UBAC2: variants seen among roughly 807,000 people sequenced by gnomAD.
UBAC2 encodes the protein UBA domain containing 2.
In UBAC2, 26 loss-of-function variants were observed where a neutral mutation model predicts 44.0. That is an observed-to-expected ratio of 0.59 (90% CI 0.43 to 0.82). UBAC2 has a LOEUF of 0.82. Ranked by LOEUF, UBAC2 falls within the 40% of genes least tolerant of loss-of-function variation. UBAC2 has a pLI of 0.00. For synonymous variants in UBAC2, 155 were observed against 154.3 expected, an observed-to-expected ratio of 1.00 and a Z score of -0.04; for missense variants, 329 against 419.4, an observed-to-expected ratio of 0.78 and a Z score of 1.88.
chr13:99,296,842 T>G (rs2044182403), intron 4 of UBAC2, among the ~76,000 whole-genome samples: 1 of 152,152 alleles, frequency 6.6e-6, no homozygotes, highest in African/African-American at 2.4e-5. Flanking sequence ...GAAAAAGACT[T>G]AAGCTACTTC....
At chr13:99,346,511 G>C (rs1419301591) in intron 7 of UBAC2, among the ~76,000 whole-genome samples, 5 of 152,218 alleles carry the variant, frequency 3.3e-5, no homozygotes, top group Non-Finnish European at 7.3e-5. Flanking sequence ...GCCTCACCGG[G>C]TTACTCACAG....
At chr13:99,280,333 C>G (rs956389139) in intron 4 of UBAC2, among the ~76,000 whole-genome samples, 1 of 152,218 alleles carries the variant, frequency 6.6e-6, no homozygotes, top group African/African-American at 2.4e-5. Flanking sequence ...CTGCCTGTCA[C>G]GCATACATCA....
intron 5 of UBAC2, chr13:99,314,631 C>T (rs1265681061): frequency 6.5e-6 from 1 of 154,492 alleles, no homozygotes; most frequent in Non-Finnish European, 1.4e-5. Context: ...GAAGAAGAAA[C>T]CCGGTGTGCT....
chr13:99,326,870 A>G (rs879903044), intron 6 of UBAC2, among the ~76,000 whole-genome samples: 4 of 152,138 alleles, frequency 2.6e-5, no homozygotes, highest in Admixed American at 6.6e-5. Flanking sequence ...GGCCCCATTC[A>G]TCAGCAATGG....
chr13:99,371,369 G>T (rs187159857), intron 8 of UBAC2, among the ~76,000 whole-genome samples: 4 of 152,184 alleles, frequency 2.6e-5, no homozygotes, highest in Admixed American at 2.6e-4. Flanking sequence ...TGATTATCCT[G>T]CAAATAGCTG....
Position 99,326,389 on chromosome 13 carries a change from A to G in UBAC2, c.561+8320A>G, listed in dbSNP as rs576774089. On this transcript the variant is annotated intron_variant, in intron 6 of 8. Transcript: ENST00000403766. ...CTTAGCCCATTTTTAAAACTAGGTT[A>G]TTAGTTTTTTGGTATTGAATTGTAG... is the stretch of plus-strand genomic sequence containing the variant. Among the ~76,000 whole-genome samples, 3 of 152,230 alleles carry G rather than the reference A, an allele frequency of 2.0e-5. No individual in the cohort carries two copies. The South Asian group carries it at 6.2e-4, about 32-fold the overall frequency.
At chr13:99,228,433 T>TCC (rs1400275779) in intron 1 of UBAC2, among the ~76,000 whole-genome samples, 7 of 150,606 alleles carry the variant, frequency 4.6e-5, no homozygotes, top group African/African-American at 7.3e-5. Flanking sequence ...GATTACAGGC[T>TCC]CCCCCGCACC....
intron 1 of UBAC2, among the ~76,000 whole-genome samples, chr13:99,209,195 C>T (rs2042910655): frequency 6.6e-6 from 1 of 152,176 alleles, no homozygotes; most frequent in Non-Finnish European, 1.5e-5. Flanking sequence ...ATGAAATAGG[C>T]CATCGAGCCC....
chr13:99,281,188 C>CA (rs539579798), intron 4 of UBAC2, among the ~76,000 whole-genome samples: 39 of 144,358 alleles, frequency 2.7e-4, no homozygotes, highest in East Asian at 8.5e-4. Context: ...GACTCCATCT[C>CA]AAAAAAAACA....
At chr13:99,259,253 T>C (rs2043620445) in intron 4 of UBAC2, among the ~76,000 whole-genome samples, 1 of 152,192 alleles carries the variant, frequency 6.6e-6, no homozygotes, top group East Asian at 1.9e-4. Context: ...ATTATCTTTA[T>C]GTTTGGTTAT....
intron 1 of UBAC2, among the ~76,000 whole-genome samples, chr13:99,216,655 C>CT (rs2042998723): frequency 6.6e-6 from 1 of 152,050 alleles, no homozygotes; most frequent in African/African-American, 2.4e-5. Flanking sequence ...TTTGTTGATT[C>CT]TTTCTCTGGA....
chr13:99,296,211 A>T (rs562331726), intron 4 of UBAC2: 2 of 1,446,810 alleles, frequency 1.4e-6, no homozygotes, highest in South Asian at 1.4e-5. Context: ...ATATGTATTC[A>T]GTTTGATTAC....
chr13:99,228,532 G>A (rs1174433156), intron 1 of UBAC2, among the ~76,000 whole-genome samples: 6 of 152,132 alleles, frequency 3.9e-5, no homozygotes, highest in African/African-American at 2.4e-5. Flanking sequence ...GACCTCAAGC[G>A]ATCTGCCCGA....
intron 7 of UBAC2, among the ~76,000 whole-genome samples, chr13:99,348,260 G>A (rs1247949942): frequency 6.6e-6 from 1 of 152,236 alleles, no homozygotes; most frequent in Non-Finnish European, 1.5e-5. Context: ...GCGCCTTCAA[G>A]AAGTTTGCAG....
chr13:99,225,481 A>G (rs895788367), intron 1 of UBAC2, among the ~76,000 whole-genome samples: 6 of 152,222 alleles, frequency 3.9e-5, no homozygotes, highest in African/African-American at 1.4e-4. Flanking sequence ...TCCATGTGCC[A>G]GTTTCCTTCC....
intron 6 of UBAC2, among the ~76,000 whole-genome samples, chr13:99,339,131 C>G (rs748375828): frequency 6.6e-6 from 1 of 152,100 alleles, no homozygotes; most frequent in Non-Finnish European, 1.5e-5. Flanking sequence ...AGCCACCTGC[C>G]CACTCAGTAG....
intron 4 of UBAC2, among the ~76,000 whole-genome samples, chr13:99,248,455 GAT>G (rs1013089577): frequency 5.3e-5 from 8 of 149,802 alleles, no homozygotes; most frequent in African/African-American, 2.0e-4. Context: ...GCAATGGCGT[GAT>G]TTCTGCTCAC....
chr13:99,248,887 C>T (rs2043422389), intron 4 of UBAC2, among the ~76,000 whole-genome samples: 1 of 152,212 alleles, frequency 6.6e-6, no homozygotes, highest in Non-Finnish European at 1.5e-5. Context: ...AAGCTCTCTT[C>T]TCTTCTGGCC....
chr13:99,383,207 G>A (rs1470478504), intron 8 of UBAC2, among the ~76,000 whole-genome samples: 2 of 152,224 alleles, frequency 1.3e-5, no homozygotes, highest in African/African-American at 4.8e-5. Flanking sequence ...TCACTGGTGT[G>A]GCCAGTTAAG....
Sources: allele counts gnomAD v4.1 joint callset (sites outside exome capture counted in the v4.1 genomes callset), GRCh38; gene constraint gnomAD v4.1.1; transcripts MANE v1.5; gene names NCBI Gene and HGNC (gene_info 2026-07-23, HGNC 2026-07-21).